Variants in NAV1 observed in about 807,000 individuals in gnomAD.
The protein encoded by NAV1 is pore membrane and/or filament interacting like protein 3.
NAV1 carries 18 observed loss-of-function variants against 175.2 expected under a neutral mutation model. That is an observed-to-expected ratio of 0.10 (90% CI 0.07 to 0.15). The LOEUF is 0.15. Ranked by LOEUF, NAV1 falls within the 10% of genes least tolerant of loss-of-function variation. The pLI, the probability that NAV1 is intolerant of heterozygous loss-of-function variation, is 1.00. For missense variants in NAV1, 1,731 were observed against 2,436.6 expected (o/e 0.71, Z 6.10); for synonymous variants, 897 against 978.7 (o/e 0.92, Z 1.56).
At chr1:201,576,110 G>C (rs540876157) in intron 1 of NAV1, among the ~76,000 whole-genome samples, 2 of 152,120 alleles carry the variant, frequency 1.3e-5, no homozygotes, top group Admixed American at 6.5e-5. Context: ...GAACAGTCCT[G>C]TCACCACAGG....
At chr1:201,712,472 C>T (rs150468189) in intron 1 of NAV1, among the ~76,000 whole-genome samples, 4 of 152,208 alleles carry the variant, frequency 2.6e-5, no homozygotes, top group Non-Finnish European at 4.4e-5. Context: ...ATCTCAACCA[C>T]GAGAAATCTT....
chr1:201,630,180 G>C (rs948718956), intron 2 of NAV1, among the ~76,000 whole-genome samples: 2 of 152,198 alleles, frequency 1.3e-5, no homozygotes, highest in African/African-American at 4.8e-5. Context: ...TCAAAACTCA[G>C]CAGCACTTAC....
At chr1:201,816,523 A>G (rs1679039040) in intron 28 of NAV1, among the ~76,000 whole-genome samples, 1 of 152,168 alleles carries the variant, frequency 6.6e-6, no homozygotes. Context: ...TGAAAAAATA[A>G]AAATTAAATA....
chr1:201,710,842 A>G (rs545945380), intron 1 of NAV1, among the ~76,000 whole-genome samples: 53 of 152,324 alleles, frequency 3.5e-4, no homozygotes, highest in Admixed American at 1.7e-3. Context: ...GGTCTGGCAC[A>G]CACAGAAGTC....
chr1:201,811,684 T>C (rs751431707), exon 25 of NAV1: 4 of 1,613,644 alleles, frequency 2.5e-6, no homozygotes, highest in African/African-American at 1.3e-5. Flanking sequence ...GGTGATTCTA[T>C]TGGATGACCT....
At chr1:201,622,920 C>T (rs977222987), upstream of NAV1, 9 of 986,260 alleles carry the variant, frequency 9.1e-6, no homozygotes, top group Non-Finnish European at 1.1e-5. Flanking sequence ...CCGCCAGCCG[C>T]CCTCACTACG....
chr1:201,780,079 A>G (rs755628520), intron 3 of NAV1, among the ~76,000 whole-genome samples: 7 of 152,236 alleles, frequency 4.6e-5, no homozygotes, highest in African/African-American at 4.8e-5. Flanking sequence ...TGTTAATTTT[A>G]AGAATGGAGG....
At chr1:201,826,133 C>G (rs1428749572) in exon 30 of NAV1, 3 of 152,216 alleles carry the variant, frequency 2.0e-5, no homozygotes, top group African/African-American at 7.2e-5. Context: ...ACATACAGTG[C>G]TAGTAACAGG....
intron 3 of NAV1, among the ~76,000 whole-genome samples, chr1:201,767,071 G>T (rs61821730): frequency 6.6e-6 from 1 of 151,376 alleles, no homozygotes; most frequent in African/African-American, 2.4e-5. Context: ...CACCTGCCTC[G>T]CCCTCCCAAA....
chr1:201,784,626 C>T (rs1676583740), intron 7 of NAV1, among the ~76,000 whole-genome samples: 1 of 147,068 alleles, frequency 6.8e-6, no homozygotes, highest in Non-Finnish European at 1.5e-5. Flanking sequence ...GGACTCAAAA[C>T]TCCTTGGCTT....
At chr1:201,783,022 T>C (rs1177792380) in intron 6 of NAV1, among the ~76,000 whole-genome samples, 153 bp downstream of exon 10, 2 of 152,196 alleles carry the variant, frequency 1.3e-5, no homozygotes, top group Non-Finnish European at 1.5e-5. Context: ...TATGCCAAGG[T>C]TCTGAAAGAA....
At chr1:201,553,780 T>C (rs949406168) in intron 1 of NAV1, among the ~76,000 whole-genome samples, 2 of 152,252 alleles carry the variant, frequency 1.3e-5, no homozygotes, top group Non-Finnish European at 2.9e-5. Context: ...CTATTTTGTG[T>C]CTGGCTTCTT....
chr1:201,758,137 C>G (rs1674629371), intron 3 of NAV1, among the ~76,000 whole-genome samples: 1 of 152,108 alleles, frequency 6.6e-6, no homozygotes, highest in African/African-American at 2.4e-5. Context: ...GTCTTTGGGG[C>G]CAGATAGGGT....
At chr1:201,594,416 C>T (rs1889563) in intron 2 of NAV1, among the ~76,000 whole-genome samples, 8,667 of 152,142 alleles carry the variant, frequency 0.057, 591 homozygotes, top group African/African-American at 0.17. Context: ...CAGGAACCTG[C>T]GGGAGGGAGC....
Position 201,750,793 on chromosome 1 carries a change from G to T in NAV1, c.1227-29628G>T, listed in dbSNP as rs924842468. Among the ~76,000 whole-genome samples, 4 of 152,106 alleles carry T rather than the reference G, an allele frequency of 2.6e-5. No individual in the cohort carries two copies. The highest frequency in any genetic ancestry group is 4.2e-4 in the South Asian group (2 of 4,806). ...TGGCCTGCCTGCCTTTCTGAGATCG[G>T]AGGAGGCCTGGAGGGTGGGGTGAAG... On this transcript the variant is annotated intron_variant, in intron 3 of 29. Coordinates refer to ENST00000367296, the Ensembl canonical transcript of NAV1. This position sits in a 1 kb window ranked among gnomAD's most constrained non-coding sequence, Gnocchi z 4.1.
chr1:201,728,358 G>A lies in NAV1; in HGVS notation c.1226+9603G>A, dbSNP rs550181860. Among the ~76,000 whole-genome samples, 65 of 152,034 alleles carry A rather than the reference G, an allele frequency of 4.3e-4. 2 individuals carry two copies. The South Asian group carries it at 0.013, about 30-fold the overall frequency. On this transcript the variant is annotated intron_variant, in intron 3 of 29. Transcript: ENST00000367296. Reference sequence around the variant, plus strand: ...TGTAATCCCAGCACTTTGGGAGGCCGAGGCAGGTGGATCACCTGAGGTCAG... The same window carrying A: ...TGTAATCCCAGCACTTTGGGAGGCCAAGGCAGGTGGATCACCTGAGGTCAG...
chr1:201,546,674 G>A (rs1345573656), intron 1 of NAV1, among the ~76,000 whole-genome samples: 1 of 152,052 alleles, frequency 6.6e-6, no homozygotes, highest in Non-Finnish European at 1.5e-5. Flanking sequence ...GGAGGCCAAG[G>A]TGGGTGGGTC....
rs144051646 is a variant in NAV1 at position 201,768,042 on chromosome 1, C to G, written c.1227-12379C>G. On this transcript the variant is annotated intron_variant, in intron 3 of 29. Transcript: ENST00000367296. ...GTCTCTCCCTATTAAGAGTTTAAGT[C>G]AGCTGGGCATGGTGGCTTATGCCTG... Among the ~76,000 whole-genome samples the G allele has an allele frequency of 3.1e-3, 465 of 152,154 alleles. 5 individuals carry two copies. Among genetic ancestry groups the G allele is most frequent in the African/African-American group, 0.011 (440 of 41,510 alleles).
chr1:201,747,813 C>T (rs1382064068), intron 3 of NAV1, among the ~76,000 whole-genome samples: 1 of 152,202 alleles, frequency 6.6e-6, no homozygotes, highest in African/African-American at 2.4e-5. Context: ...ATTTAAGCTT[C>T]TCTCTTCCTA....
Sources: allele counts gnomAD v4.1 joint callset (sites outside exome capture counted in the v4.1 genomes callset), GRCh38; gene constraint gnomAD v4.1.1; non-coding constraint Gnocchi (gnomAD v3.1); transcripts MANE v1.5; gene names NCBI Gene and HGNC (gene_info 2026-07-23, HGNC 2026-07-21).